PRELID2: variants seen among roughly 807,000 people sequenced by gnomAD.
The protein encoded by PRELID2 is PRELI domain containing 2.
Under a neutral mutation model 28.4 loss-of-function variants are expected in PRELID2, and 25 were observed. That is an observed-to-expected ratio of 0.88 (90% CI 0.64 to 1.23). PRELID2 has a LOEUF of 1.23. Among genes scored for constraint, PRELID2 ranks in the 50% most tolerant of loss-of-function variants. PRELID2 has a pLI of 0.00. For synonymous variants in PRELID2, 76 were observed against 71.6 expected, an observed-to-expected ratio of 1.06 and a Z score of -0.31; for missense variants, 201 against 214.4, an observed-to-expected ratio of 0.94 and a Z score of 0.39.
At chr5:145,683,387 G>A (rs1438234592) in intron 1 of PRELID2, among the ~76,000 whole-genome samples, 1 of 152,008 alleles carries the variant, frequency 6.6e-6, no homozygotes, top group Non-Finnish European at 1.5e-5. Flanking sequence ...GGTGTGCTAG[G>A]GCTACTGCAC....
the PRELID2 span, among the ~76,000 whole-genome samples, chr5:145,428,223 T>G: frequency 6.6e-6 from 1 of 152,112 alleles, no homozygotes; most frequent in Non-Finnish European, 1.5e-5. Context: ...CCTCCCAAAG[T>G]GCTGGGATTG....
the PRELID2 span, among the ~76,000 whole-genome samples, chr5:145,304,212 G>A: frequency 1.1e-4 from 17 of 152,020 alleles, no homozygotes; most frequent in African/African-American, 3.9e-4. Context: ...ATGTCCTAAT[G>A]CCTTATTTTC....
chr5:145,766,178 G>T (rs1757747014), intron 5 of PRELID2, among the ~76,000 whole-genome samples: 2 of 152,152 alleles, frequency 1.3e-5, no homozygotes, highest in South Asian at 4.1e-4. Flanking sequence ...CATCAAAGTT[G>T]GATCCATGGG....
the PRELID2 span, among the ~76,000 whole-genome samples, chr5:145,438,594 G>C: frequency 6.6e-6 from 1 of 152,104 alleles, no homozygotes; most frequent in African/African-American, 2.4e-5. Context: ...TAAGTTAGAT[G>C]CCAAGGGCCT....
chr5:145,344,801 T>A, the PRELID2 span, among the ~76,000 whole-genome samples: 1 of 152,126 alleles, frequency 6.6e-6, no homozygotes, highest in African/African-American at 2.4e-5. Context: ...ATATTTAATA[T>A]GTTTTCATAT....
chr5:145,797,041 T>C (rs1752804173), intron 4 of PRELID2, among the ~76,000 whole-genome samples: 2 of 152,272 alleles, frequency 1.3e-5, no homozygotes, highest in Non-Finnish European at 1.5e-5. Flanking sequence ...CTGGAATGAC[T>C]TTTTCAATCC....
At chr5:145,817,191 A>AAG (rs1754369444) in intron 4 of PRELID2, among the ~76,000 whole-genome samples, 1 of 71,628 alleles carries the variant, frequency 1.4e-5, no homozygotes. Flanking sequence ...ACTGCATTTC[A>AAG]AAAAAAAATA....
chr5:145,508,111 G>A (rs953775575), intron 1 of PRELID2, among the ~76,000 whole-genome samples: 2 of 151,818 alleles, frequency 1.3e-5, no homozygotes, highest in Non-Finnish European at 2.9e-5. Flanking sequence ...TAAGAAAACA[G>A]TCACTCTTGT....
chr5:145,504,875 G>A (rs1364806788), intron 1 of PRELID2, among the ~76,000 whole-genome samples: 1 of 152,062 alleles, frequency 6.6e-6, no homozygotes, highest in Non-Finnish European at 1.5e-5. Flanking sequence ...ACCCAGCTGA[G>A]AACCACACAG....
intron 1 of PRELID2, among the ~76,000 whole-genome samples, chr5:145,701,701 A>G (rs2149703213): frequency 6.6e-6 from 1 of 152,348 alleles, no homozygotes; most frequent in East Asian, 1.9e-4. Flanking sequence ...AACTATGTGC[A>G]TTTCAGCTTG....
chr5:145,694,537 T>G (rs1398588887), intron 1 of PRELID2, among the ~76,000 whole-genome samples: 2 of 152,220 alleles, frequency 1.3e-5, no homozygotes, highest in Non-Finnish European at 1.5e-5. Flanking sequence ...CAGACTTTGC[T>G]GGAAATTAAG....
At chr5:145,702,573 C>A (rs1038599170) in intron 1 of PRELID2, among the ~76,000 whole-genome samples, 1 of 152,148 alleles carries the variant, frequency 6.6e-6, no homozygotes, top group Non-Finnish European at 1.5e-5. Context: ...TAAAATCTCA[C>A]ACAAGAAGGC....
the PRELID2 span, among the ~76,000 whole-genome samples, chr5:145,457,789 C>T: frequency 1.3e-5 from 2 of 152,134 alleles, no homozygotes; most frequent in Non-Finnish European, 2.9e-5. Flanking sequence ...CATGGACATG[C>T]CCCTTAACCT....
At chr5:145,601,854 T>C (rs2149638280) in intron 1 of PRELID2, among the ~76,000 whole-genome samples, 1 of 152,270 alleles carries the variant, frequency 6.6e-6, no homozygotes, top group Middle Eastern at 3.4e-3. Context: ...TGGAAAACAG[T>C]ATCAACAAAT....
chr5:145,684,712 C>A (rs1755002308), intron 1 of PRELID2, among the ~76,000 whole-genome samples: 1 of 152,160 alleles, frequency 6.6e-6, no homozygotes. Flanking sequence ...TCTTAACCAC[C>A]ATTATCATCC....
intron 1 of PRELID2, among the ~76,000 whole-genome samples, chr5:145,720,671 T>C (rs973938899): frequency 6.6e-6 from 1 of 151,988 alleles, no homozygotes; most frequent in African/African-American, 2.4e-5. Flanking sequence ...GTAAAAGGGT[T>C]AATAGTGAGG....
chr5:145,559,282 A>T (rs1371313264), intron 1 of PRELID2, among the ~76,000 whole-genome samples: 2 of 151,902 alleles, frequency 1.3e-5, no homozygotes, highest in East Asian at 3.9e-4. Flanking sequence ...GCGTTTTGGG[A>T]AATACTGTAA....
intron 1 of PRELID2, among the ~76,000 whole-genome samples, chr5:145,702,132 G>A (rs1269161096): frequency 6.6e-6 from 1 of 151,764 alleles, no homozygotes; most frequent in Non-Finnish European, 1.5e-5. Context: ...TTATACATTA[G>A]CGTATTACTG....
chr5:145,340,998 G>A, the PRELID2 span, among the ~76,000 whole-genome samples: 1 of 151,656 alleles, frequency 6.6e-6, no homozygotes, highest in African/African-American at 2.4e-5. Flanking sequence ...CACTGAGGCT[G>A]TTGACAGCTG....
Sources: allele counts gnomAD v4.1 joint callset (sites outside exome capture counted in the v4.1 genomes callset), GRCh38; gene constraint gnomAD v4.1.1; transcripts MANE v1.5; gene names NCBI Gene and HGNC (gene_info 2026-07-23, HGNC 2026-07-21).